The following CDHR5 variants were observed in gnomAD, a reference collection of about 807,000 sequenced individuals.
The protein encoded by CDHR5 is cadherin-related family member 5.
A neutral mutation model predicts 69.5 loss-of-function variants in CDHR5; 82 were observed. That is an observed-to-expected ratio of 1.18 (90% confidence interval 0.99 to 1.42). The LOEUF (loss-of-function observed/expected upper bound fraction) is 1.42, where lower values mean the gene tolerates loss of function less well. Ranked by LOEUF, CDHR5 falls within the 40% of genes most tolerant of loss-of-function variation. The pLI is 0.00. For missense variants in CDHR5, 1,293 were observed against 1,168.9 expected (o/e 1.11, Z -1.55); for synonymous variants, 601 against 510.2 (o/e 1.18, Z -2.40).
At position 618,595 on chromosome 11, in the gene CDHR5, C is replaced by G. The variant is rs372825985; in HGVS notation, c.1960+4G>C. On this transcript the variant is annotated splice_donor_region_variant and intron_variant, in intron 13 of 14. Transcript: ENST00000397542. ...GGGAGGGAAGGCAACAGAGTGGGTG[C>G]TACCTGAAGATGGGGTGCTCTTGCT... 218 of 1,613,658 alleles carry G rather than the reference C, an allele frequency of 1.4e-4. No homozygotes were observed. The highest frequency in any genetic ancestry group is 1.8e-4 in the Non-Finnish European group (211 of 1,179,914).
At position 617,571 on chromosome 11, in the gene CDHR5, G is replaced by C. The variant is rs144034443; in HGVS notation, c.2318C>G (p.Ala773Gly). 1.2e-6 allele frequency: 2 copies of C among 1,611,628 alleles called. No individual in the cohort carries two copies. The highest frequency in any genetic ancestry group is 2.2e-5 in the South Asian group (2 of 91,048). The change falls in exon 15 of 15, where the codon GCG becomes GGG. Residue 773 changes from alanine (A) to glycine (G), a missense_variant. Ala to Gly is a moderately conservative substitution (Grantham distance 60). Coordinates refer to ENST00000397542, the MANE Select transcript of CDHR5 (RefSeq NM_021924.5). ...AAARAGGSPT[A>G]VRSILTKERR... ...CTCCTTGGTCAGGATGGACCTCACC[G>C]CCGTGGGGCTTCCGCCAGCTCGGGC...
chr11:620,835 G>A (rs1242066298), intron 7 of CDHR5, among the ~76,000 whole-genome samples: 2 of 152,076 alleles, frequency 1.3e-5, no homozygotes, highest in Admixed American at 1.3e-4. Context: ...CACCTCCCCA[G>A]GCCCCTGAGA....
chr11:624,292 C>A lies in CDHR5; in HGVS notation c.262-29G>T. On this transcript the variant is annotated intron_variant, in intron 2 of 14. Transcript: ENST00000397542. The surrounding 1 kb of genome is among the most constrained non-coding windows in gnomAD (Gnocchi z 5.3). ...TGGATGTAGACAGGTCTGCAGTCAC[C>A]GTCCTGCCCCACAGGTGGGGAGACT... The A allele has an allele frequency of 1.3e-6, 1 of 752,848 alleles. No individual in the cohort carries two copies. Among genetic ancestry groups the A allele is most frequent in the East Asian group, 2.5e-5 (1 of 39,918 alleles). 46.6% of individuals were successfully genotyped at this position (752,848 alleles called of 1,614,324 possible).
In CDHR5 at chr11:620,072, C is replaced by G. The variant is rs140316898; in HGVS notation, c.973G>C (p.Val325Leu). The G allele has an allele frequency of 1.7e-4, 278 of 1,610,450 alleles. 3 individuals are homozygous for G. The South Asian group carries it at 1.9e-3, about 11-fold the overall frequency. Reference sequence around the variant, plus strand: ...CATGCAGGTGCCCACCTCACCTTCACCAGCAGAAGGAAGGTCATGGGGCTG... The same window carrying G: ...CATGCAGGTGCCCACCTCACCTTCAGCAGCAGAAGGAAGGTCATGGGGCTG... ...VPSPMTFLLL[V>L]KGQQADLARY... is the part of the protein sequence containing the mutation. Residue 325 changes from valine (V) to leucine (L), a missense_variant, in exon 9 of 15, where the codon GTG becomes CTG. Coordinates refer to ENST00000397542, the MANE Select transcript of CDHR5 (RefSeq NM_021924.5).
chr11:616,962 G>GCC lies in CDHR5; in HGVS notation c.*388_*389insGG. The GCC allele has an allele frequency of 8.5e-6, 2 of 234,888 alleles. No individual in the cohort carries two copies. The highest frequency in any genetic ancestry group is 1.8e-4 in the South Asian group (2 of 10,922). The allele number at this position is 234,888 out of a possible 1,614,324, so 14.6% of individuals were successfully genotyped here. A position where few individuals can be genotyped will look rare whatever the true frequency, so the allele number is the denominator to read the frequency against. On this transcript the variant is annotated 3_prime_UTR_variant, in exon 15 of 15. Coordinates refer to ENST00000397542, the MANE Select transcript of CDHR5 (RefSeq NM_021924.5). The stretch of plus-strand genomic sequence containing the variant: ...TCTCTGTGTAGGGTCGGGAGCGGGA[G>GCC]GTCTGAGATGAGCCGGGTGCCTGAG...
rs374365965 is a variant in CDHR5, at chr11:624,197, C to A, written c.312+16G>T. On this transcript the variant is annotated intron_variant, in intron 3 of 14. Transcript: ENST00000397542. This position sits in a 1 kb window ranked among gnomAD's most constrained non-coding sequence, Gnocchi z 5.3. ...AGGTGGCCGGGTGGGGCGGGGAGAG[C>A]GGGGCGGGGACTCACCAATGTGCCT... 3 of 647,802 alleles carry A rather than the reference C, an allele frequency of 4.6e-6. No individual in the cohort carries two copies. Among genetic ancestry groups the A allele is most frequent in the Admixed American group, 1.9e-5 (1 of 51,884 alleles). The allele number at this position is 647,802 out of a possible 1,614,324, so 40.1% of individuals were successfully genotyped here.
In CDHR5 at chr11:619,948, T is replaced by C. The variant is rs1857266312; in HGVS notation, c.979-67A>G. 6.9e-6 allele frequency: 10 copies of C among 1,445,168 alleles called. No homozygotes were observed. In the Admixed American group the frequency reaches 2.1e-4, roughly 30 times the overall value. The allele number at this position is 1,445,168 out of a possible 1,614,324, so 89.5% of individuals were successfully genotyped here. A position where few individuals can be genotyped will look rare whatever the true frequency, so the allele number is the denominator to read the frequency against. ...TGGAGCTGGCGCTGAAGGCTGGGGCTCAGGAAAGGCAGGTGCAGACTTGGC... is the reference window on the plus strand; with the variant it reads ...TGGAGCTGGCGCTGAAGGCTGGGGCCCAGGAAAGGCAGGTGCAGACTTGGC... On this transcript the variant is annotated intron_variant, in intron 9 of 14. Transcript: ENST00000397542.
At chr11:618,517 C>T (rs1021623651) in intron 13 of CDHR5, 82 bp downstream of exon 13, 2 of 1,524,492 alleles carry the variant, frequency 1.3e-6, no homozygotes, top group Non-Finnish European at 1.8e-6. Flanking sequence ...CCAGGTCAGC[C>T]TGGGGTGGAC....
Position 617,040 on chromosome 11 carries a change from G to A in CDHR5, c.*311C>T. 2.4e-6 allele frequency: 1 copy of A among 415,638 alleles called. No individual in the cohort carries two copies. Among genetic ancestry groups the A allele is most frequent in the Non-Finnish European group, 4.3e-6 (1 of 230,794 alleles). The allele number at this position is 415,638 out of a possible 1,614,324, so 25.7% of individuals were successfully genotyped here. ...GCCCCCCTCGGGCTGTGGTTAGAGC[G>A]GGAGAGGAACTTCCCAGACTAGCTG... is the stretch of plus-strand genomic sequence containing the variant. On this transcript the variant is annotated 3_prime_UTR_variant, in exon 15 of 15. Transcript: ENST00000397542.
intron 7 of CDHR5, among the ~76,000 whole-genome samples, chr11:620,637 C>T (rs542351984): frequency 3.6e-4 from 55 of 152,326 alleles, no homozygotes; most frequent in African/African-American, 1.3e-3. Context: ...CAAGGCTTGT[C>T]TTGACGGGTA....
Position 617,374 on chromosome 11 carries a change from CG to C in CDHR5, c.2514del (p.Gly839ValfsTer34). 1 of 1,608,188 alleles carries C rather than the reference CG, an allele frequency of 6.2e-7. No homozygotes were observed. ...AGRGGGPYDA[P>X]GGDDSYI ...ACTTAGATGTAGGAGTCATCACCAC[CG>C]GGCGCATCGTAGGGACCCCCACCCC... On this transcript the variant is annotated frameshift_variant, in exon 15 of 15. Coordinates refer to ENST00000397542, the MANE Select transcript of CDHR5 (RefSeq NM_021924.5). LOFTEE classifies it high-confidence loss of function.
Position 624,152 on chromosome 11 carries a change from G to A in CDHR5, c.312+61C>T, listed in dbSNP as rs1589946148. The A allele has an allele frequency of 1.4e-6, 1 of 724,132 alleles. No individual in the cohort carries two copies. The highest frequency in any genetic ancestry group is 2.6e-6 in the Non-Finnish European group (1 of 389,650). 44.9% of individuals were successfully genotyped at this position (724,132 alleles called of 1,614,324 possible). On this transcript the variant is annotated intron_variant, in intron 3 of 14. Transcript: ENST00000397542. The surrounding 1 kb of genome is among the most constrained non-coding windows in gnomAD (Gnocchi z 5.3). ...CGTCATCAAAGACTGGTCCTGGACC[G>A]GCAGGGCAGAGCCCAGCAGAGGTGG...
In CDHR5 at chr11:618,976, G is replaced by A. The variant is rs371167637; in HGVS notation, c.1583C>T (p.Thr528Ile). 29 of 1,613,728 alleles carry A rather than the reference G, an allele frequency of 1.8e-5. No homozygotes were observed. In the East Asian group the frequency reaches 2.7e-4, roughly 15 times the overall value. Reference protein sequence around the residue: ...PGGPPGAENSTSHQPATPGGD... With the variant: ...PGGPPGAENSISHQPATPGGD... ...ACCGGGAGTGGCTGGTTGGTGGGAG[G>A]TGCTGTTTTCTGCACCCGGGGGCCC... is the stretch of plus-strand genomic sequence containing the variant. The change falls in exon 13 of 15, where the codon ACC becomes ATC. Residue 528 changes from threonine to isoleucine, a missense_variant. Thr to Ile is a moderately conservative substitution (Grantham distance 89). Transcript: ENST00000397542.
In CDHR5 at chr11:617,630, G is replaced by A. The variant is rs1486448384; in HGVS notation, c.2259C>T (p.Ala753=). 6.3e-7 allele frequency: 1 copy of A among 1,582,166 alleles called. No individual in the cohort carries two copies. The highest frequency in any genetic ancestry group is 8.6e-7 in the Non-Finnish European group (1 of 1,165,348). The part of the protein sequence containing the change: ...MPAEPAPPGP[A]SPGGAPEPPA... ...GGGGCTCAGGGGCACCGCCTGGGGA[G>A]GCAGGGCCGGGGGGTGCGGGCTCTG... The change falls in exon 15 of 15, where the codon GCC becomes GCT. Residue 753 remains alanine, a synonymous_variant. Coordinates refer to ENST00000397542, the MANE Select transcript of CDHR5 (RefSeq NM_021924.5).
chr11:620,036 G>T, intron 9 of CDHR5, 31 bp downstream of exon 9: 1 of 1,465,616 alleles, frequency 6.8e-7, no homozygotes, highest in Non-Finnish European at 9.4e-7. Context: ...TTCCCCCTCT[G>T]CCCTGCCCCC....
In CDHR5 at chr11:618,923, C is replaced by T. The variant is rs749915600; in HGVS notation, c.1636G>A (p.Gly546Arg). 3 of 1,608,320 alleles carry T rather than the reference C, an allele frequency of 1.9e-6. No individual in the cohort carries two copies. Among genetic ancestry groups the T allele is most frequent in the African/African-American group, 2.7e-5 (2 of 74,508 alleles). The change falls in exon 13 of 15, where the codon GGA (glycine) becomes AGA (arginine). Residue 546 changes from glycine (G) to arginine (R), a missense_variant. By Grantham distance (125) the Gly-to-Arg change is moderately radical. Coordinates refer to ENST00000397542, the MANE Select transcript of CDHR5 (RefSeq NM_021924.5). Reference protein sequence around the residue: ...GGDTAQTPKPGTSQPMPPGVG... With the variant: ...GGDTAQTPKPRTSQPMPPGVG... ...CCGGGGGGCATCGGCTGAGAGGTTC[C>T]TGGCTTTGGGGTCTGTGCTGTGTCC... is the stretch of plus-strand genomic sequence containing the variant.
intron 3 of CDHR5, among the ~76,000 whole-genome samples, chr11:623,378 G>A (rs1664535445): frequency 6.6e-6 from 1 of 152,206 alleles, no homozygotes; most frequent in Admixed American, 6.5e-5. Flanking sequence ...GGTGCATGGA[G>A]GGCACAGAGC....
At position 616,947 on chromosome 11, in the gene CDHR5, G is replaced by GATCCC; in HGVS notation, c.*403_*404insGGGAT. 3 of 224,706 alleles carry GATCCC rather than the reference G, an allele frequency of 1.3e-5. No individual in the cohort carries two copies. Among genetic ancestry groups the GATCCC allele is most frequent in the Non-Finnish European group, 1.8e-5 (2 of 112,162 alleles). The allele number at this position is 224,706 out of a possible 1,614,324, so 13.9% of individuals were successfully genotyped here. On this transcript the variant is annotated 3_prime_UTR_variant, in exon 15 of 15. Transcript: ENST00000397542. Reference sequence around the variant, plus strand: ...AGCCTCCCCAGGCAATCTCTGTGTAGGGTCGGGAGCGGGAGGTCTGAGATG... The same window carrying GATCCC: ...AGCCTCCCCAGGCAATCTCTGTGTAGATCCCGGTCGGGAGCGGGAGGTCTGAGATG...
chr11:619,241 GA>G, intron 12 of CDHR5, 61 bp from the exon 13 acceptor site: 1 of 1,481,708 alleles, frequency 6.7e-7, no homozygotes. Context: ...CCTACCGCGG[GA>G]AAGGAGCCAC....
Sources: allele counts gnomAD v4.1 joint callset (sites outside exome capture counted in the v4.1 genomes callset), GRCh38; gene constraint gnomAD v4.1.1; non-coding constraint Gnocchi (gnomAD v3.1); transcripts MANE v1.5; gene names NCBI Gene and HGNC (gene_info 2026-07-23, HGNC 2026-07-21).